Variants in PALLD observed in about 807,000 individuals in gnomAD.
PALLD encodes the protein palladin.
In PALLD, 61 loss-of-function variants were observed where a neutral mutation model predicts 123.5. The observed-to-expected ratio is 0.49, with a 90% CI of 0.40 to 0.61. PALLD has a LOEUF of 0.61. Among genes scored for constraint, PALLD ranks in the 20% least tolerant of loss-of-function variants. PALLD has a pLI of 0.00. For missense variants in PALLD, 1,273 were observed against 1,377.0 expected, an observed-to-expected ratio of 0.92 and a Z score of 1.20; for synonymous variants, 465 against 496.4, an observed-to-expected ratio of 0.94 and a Z score of 0.84.
chr4:168,616,852 A>T (rs948668441), intron 2 of PALLD, among the ~76,000 whole-genome samples: 1 of 152,108 alleles, frequency 6.6e-6, no homozygotes, highest in South Asian at 2.1e-4. Context: ...GACTGGCAGG[A>T]TTGCTGTTGT....
intron 10 of PALLD, among the ~76,000 whole-genome samples, chr4:168,802,523 T>C (rs962589600): frequency 2.0e-5 from 3 of 152,170 alleles, no homozygotes; most frequent in Non-Finnish European, 4.4e-5. Flanking sequence ...AAGCTAAACA[T>C]TGAGCACACA....
chr4:168,841,350 C>G (rs2150925891), intron 10 of PALLD, among the ~76,000 whole-genome samples: 1 of 152,266 alleles, frequency 6.6e-6, no homozygotes, highest in Admixed American at 6.5e-5. Context: ...GCACAGATGG[C>G]AAATCTGGCA....
At chr4:168,797,517 C>A (rs1738683458) in intron 10 of PALLD, among the ~76,000 whole-genome samples, 1 of 152,108 alleles carries the variant, frequency 6.6e-6, no homozygotes, top group South Asian at 2.1e-4. Context: ...AAATTTGAGG[C>A]ATTTTTGCCT....
intron 10 of PALLD, among the ~76,000 whole-genome samples, chr4:168,767,852 TC>T (rs1286444645): frequency 6.6e-6 from 1 of 152,110 alleles, no homozygotes; most frequent in African/African-American, 2.4e-5. Flanking sequence ...CAGCCTCTGA[TC>T]TTATATCATT....
In PALLD at chr4:168,589,065, G is replaced by T. The variant is rs141045994; in HGVS notation, c.908+76653G>T. On this transcript the variant is annotated intron_variant, in intron 2 of 21. Transcript: ENST00000505667. ...GGACAACAGTCCCTAAAGTCAAGCG[G>T]GCTATTGTCAAGCACAACTGTACTG... 4.3e-3 allele frequency among the ~76,000 whole-genome samples: 651 copies of T among 152,330 alleles called. 3 individuals carry two copies. The highest frequency in any genetic ancestry group is 6.8e-3 in the Non-Finnish European group (461 of 68,028).
intron 6 of PALLD, among the ~76,000 whole-genome samples, chr4:168,688,743 T>A (rs368553036): frequency 1.7e-3 from 262 of 152,292 alleles, no homozygotes; most frequent in African/African-American, 6.2e-3. Context: ...TTACTTGGCA[T>A]CTACCCATTT....
At chr4:168,649,593 C>T (rs1023009691) in intron 2 of PALLD, among the ~76,000 whole-genome samples, 2 of 152,174 alleles carry the variant, frequency 1.3e-5, no homozygotes, top group Non-Finnish European at 2.9e-5. Flanking sequence ...GAAATTATAA[C>T]AGCCAGCTAA....
intron 13 of PALLD, among the ~76,000 whole-genome samples, chr4:168,897,297 G>T (rs1755417377): frequency 1.3e-5 from 2 of 152,190 alleles, no homozygotes; most frequent in Admixed American, 6.5e-5. Flanking sequence ...TATAACTCTT[G>T]CAGTTTTATT....
intron 10 of PALLD, among the ~76,000 whole-genome samples, chr4:168,813,513 A>C (rs550513724): frequency 1.4e-3 from 220 of 152,260 alleles, no homozygotes; most frequent in Non-Finnish European, 2.1e-3. Flanking sequence ...GCTGGAGTGC[A>C]GTGGTGTGAT....
chr4:168,834,703 C>G (rs559917006), intron 10 of PALLD, among the ~76,000 whole-genome samples: 1 of 152,084 alleles, frequency 6.6e-6, no homozygotes. Flanking sequence ...CACCACTGCA[C>G]TCCAGCCTGG....
chr4:168,693,565 T>C (rs1782849945), intron 8 of PALLD, among the ~76,000 whole-genome samples: 1 of 152,242 alleles, frequency 6.6e-6, no homozygotes, highest in African/African-American at 2.4e-5. Flanking sequence ...CTTATTTACA[T>C]AGTTAGATCT....
chr4:168,650,592 G>T (rs1777941612), intron 2 of PALLD, among the ~76,000 whole-genome samples: 1 of 152,124 alleles, frequency 6.6e-6, no homozygotes, highest in Non-Finnish European at 1.5e-5. Flanking sequence ...CAACTTCTTA[G>T]AAATGAAACT....
chr4:168,615,711 G>T (rs983830310), intron 2 of PALLD, among the ~76,000 whole-genome samples: 4 of 152,182 alleles, frequency 2.6e-5, no homozygotes, highest in African/African-American at 7.2e-5. Flanking sequence ...GCCAAGGGGG[G>T]TGCTTGTAAT....
intron 2 of PALLD, among the ~76,000 whole-genome samples, chr4:168,627,932 C>T (rs1330802599): frequency 1.3e-5 from 2 of 152,242 alleles, no homozygotes; most frequent in Non-Finnish European, 2.9e-5. Context: ...CATCACTTTT[C>T]ACCTATCAGA....
chr4:168,746,630 T>C (rs1730362377), intron 10 of PALLD, among the ~76,000 whole-genome samples: 2 of 152,106 alleles, frequency 1.3e-5, no homozygotes, highest in African/African-American at 2.4e-5. Context: ...CCAATTTTCT[T>C]CCCTGGGCGG....
chr4:168,790,317 A>G lies in PALLD; in HGVS notation c.1964+78394A>G, dbSNP rs575857559. Among the ~76,000 whole-genome samples, 30 of 152,052 alleles carry G rather than the reference A, an allele frequency of 2.0e-4. 1 individual carries two copies. The South Asian group carries it at 6.2e-3, about 32-fold the overall frequency. The stretch of plus-strand genomic sequence containing the variant: ...CCTGGGACTACAGGCATGTGCCACC[A>G]TGCCTGGCTAATTTTTGTACCTTTA... On this transcript the variant is annotated intron_variant, in intron 10 of 21. Coordinates refer to ENST00000505667, the MANE Select transcript of PALLD (RefSeq NM_001166108.2).
At chr4:168,603,537 TAC>T (rs1326889008) in intron 2 of PALLD, among the ~76,000 whole-genome samples, 1 of 152,226 alleles carries the variant, frequency 6.6e-6, no homozygotes, top group Non-Finnish European at 1.5e-5. Flanking sequence ...TTCAGAAAAG[TAC>T]AGCTTGTTCT....
chr4:168,924,842 C>T lies in PALLD; in HGVS notation c.3225-103C>T, dbSNP rs920605654. On this transcript the variant is annotated intron_variant, in intron 19 of 21. Coordinates refer to ENST00000505667, the MANE Select transcript of PALLD (RefSeq NM_001166108.2). ...ATAAGTATGACCCTATTATCAGCTACTTGCACAATTCTGTTTCTAATGATC... is the reference window on the plus strand; with the variant it reads ...ATAAGTATGACCCTATTATCAGCTATTTGCACAATTCTGTTTCTAATGATC... The T allele has an allele frequency of 4.3e-6, 5 of 1,175,508 alleles. No individual in the cohort carries two copies. The Admixed American group carries it at 7.0e-5, about 16-fold the overall frequency. 72.8% of individuals were successfully genotyped at this position (1,175,508 alleles called of 1,614,324 possible).
At chr4:168,875,344 T>C (rs1344267307) in intron 10 of PALLD, among the ~76,000 whole-genome samples, 1 of 152,194 alleles carries the variant, frequency 6.6e-6, no homozygotes, top group South Asian at 2.1e-4. Flanking sequence ...AATCAACTTT[T>C]CTAAAAATAG....
Sources: gnomAD v4.1 joint callset for allele counts (sites outside exome capture counted in the v4.1 genomes callset) on GRCh38, gnomAD v4.1.1 for gene constraint, MANE v1.5 for transcripts, NCBI Gene and HGNC (gene_info 2026-07-23, HGNC 2026-07-21) for gene names.